ZNF611: variants seen among roughly 807,000 people sequenced by gnomAD.
ZNF611 encodes zinc finger protein 611.
ZNF611 carries 6 observed loss-of-function variants against 8.9 expected under a neutral mutation model. The observed-to-expected ratio is 0.68, with a 90% CI of 0.37 to 1.34. The LOEUF is 1.34. ZNF611 is among the 40% of genes most tolerant of loss of function. The pLI is 0.02. For synonymous variants in ZNF611, 262 were observed against 279.7 expected (o/e 0.94, Z 0.63); for missense variants, 874 against 841.3 (o/e 1.04, Z -0.48).
intron 3 of ZNF611, 170 bp from the exon 4 acceptor site, chr19:52,716,083 A>C (rs2062315387): frequency 8.4e-6 from 6 of 712,836 alleles, no homozygotes; most frequent in Non-Finnish European, 1.1e-5. Context: ...CTATGAGTGT[A>C]TATTTGACCC....
chr19:52,709,917 C>G (rs1207145543), intron 5 of ZNF611, among the ~76,000 whole-genome samples: 1 of 152,128 alleles, frequency 6.6e-6, no homozygotes, highest in Non-Finnish European at 1.5e-5. Flanking sequence ...TTGCCTGCTC[C>G]TCTTTACACC....
intron 4 of ZNF611, among the ~76,000 whole-genome samples, chr19:52,715,188 T>C (rs1263689998): frequency 6.6e-6 from 1 of 152,116 alleles, no homozygotes; most frequent in Admixed American, 6.6e-5. Context: ...ACTGGCACAG[T>C]GGCTCATGCC....
intron 3 of ZNF611, among the ~76,000 whole-genome samples, chr19:52,722,436 T>C (rs73576376): frequency 0.038 from 5,744 of 152,150 alleles, 347 homozygotes; most frequent in African/African-American, 0.13. Flanking sequence ...AACAGAAAGT[T>C]GTTTTTTTCT....
chr19:52,708,878 T>C (rs1258433701), intron 5 of ZNF611: 2 of 152,058 alleles, frequency 1.3e-5, no homozygotes, highest in Non-Finnish European at 2.9e-5. Context: ...ACTAATAGTA[T>C]AGAAAAGTGT....
intron 3 of ZNF611, among the ~76,000 whole-genome samples, chr19:52,718,271 T>C (rs1027881360): frequency 4.6e-5 from 7 of 150,944 alleles, no homozygotes; most frequent in Non-Finnish European, 8.9e-5. Flanking sequence ...CCCCAGGAGA[T>C]GAAGGTTGCA....
At chr19:52,722,254 C>T (rs1451491634) in intron 3 of ZNF611, among the ~76,000 whole-genome samples, 1 of 152,022 alleles carries the variant, frequency 6.6e-6, no homozygotes, top group African/African-American at 2.4e-5. Context: ...TGGTGTCTCA[C>T]ACCTGTGGTC....
At chr19:52,732,212 G>C (rs1181320903) in intron 1 of ZNF611, among the ~76,000 whole-genome samples, 4 of 152,054 alleles carry the variant, frequency 2.6e-5, no homozygotes, top group Non-Finnish European at 5.9e-5. Flanking sequence ...GGAGCTTGCA[G>C]TGAGCTGAGA....
intron 3 of ZNF611, among the ~76,000 whole-genome samples, chr19:52,727,456 C>T (rs58660733): frequency 0.037 from 5,605 of 152,242 alleles, 308 homozygotes; most frequent in African/African-American, 0.12. Context: ...AGCCCTTGGT[C>T]ACACATAGTT....
At chr19:52,716,205 T>C (rs1433480485) in intron 3 of ZNF611, 3 of 289,896 alleles carry the variant, frequency 1.0e-5, no homozygotes, top group African/African-American at 2.2e-5. Flanking sequence ...CTTCATCAAT[T>C]GCCATCCAGA....
Position 52,732,033 on chromosome 19 carries a change from G to A in ZNF611, c.-221-2028C>T, listed in dbSNP as rs190956453. ...CGCCTGTAATCCCAGCACTTTGGGA[G>A]GCTGAGGCGGGCGGATCACGAGGTC... is the stretch of plus-strand genomic sequence containing the variant. On this transcript the variant is annotated intron_variant, in intron 1 of 5. Coordinates refer to ENST00000652185, the MANE Select transcript of ZNF611 (RefSeq NM_001161499.2). 4.5e-3 allele frequency among the ~76,000 whole-genome samples: 687 copies of A among 152,028 alleles called. 6 individuals carry two copies. Among genetic ancestry groups the A allele is most frequent in the African/African-American group, 0.016 (650 of 41,514 alleles).
At position 52,728,738 on chromosome 19, in the gene ZNF611, G is replaced by C. The variant is rs1479239648; in HGVS notation, c.-28C>G. 1 of 153,428 alleles carries C rather than the reference G, an allele frequency of 6.5e-6. No individual in the cohort carries two copies. The highest frequency in any genetic ancestry group is 1.5e-5 in the Non-Finnish European group (1 of 68,532). The allele number at this position is 153,428 out of a possible 1,614,324, so 9.5% of individuals were successfully genotyped here. A position where few individuals can be genotyped will look rare whatever the true frequency, so the allele number is the denominator to read the frequency against. ...GGGTGTAGCTCACTCACCCAAGCTG[G>C]AGTGTGGTGGCAAAAACAGGGCTCA... is the stretch of plus-strand genomic sequence containing the variant. On this transcript the variant is annotated 5_prime_UTR_variant, in exon 3 of 6. Transcript: ENST00000652185.
chr19:52,734,130 A>G (rs1000035996), intron 1 of ZNF611, among the ~76,000 whole-genome samples: 8 of 16,696 alleles, frequency 4.8e-4, no homozygotes, highest in Admixed American at 3.1e-3. Context: ...CTCTCTGTAC[A>G]TCTATCTAGC....
At chr19:52,708,976 T>C (rs1245941842) in intron 5 of ZNF611, 1 of 152,248 alleles carries the variant, frequency 6.6e-6, no homozygotes, top group African/African-American at 2.4e-5. Flanking sequence ...TCTAGTTCAC[T>C]ATGCATAAAA....
chr19:52,704,048 G>A lies in ZNF611; in HGVS notation c.*889C>T, dbSNP rs951860530. Reference sequence around the variant, plus strand: ...GTGGCTCACATCTGTTGGCCATGCTGGTTTCAAACTCCTGACCTCAAGTGA... The same window carrying A: ...GTGGCTCACATCTGTTGGCCATGCTAGTTTCAAACTCCTGACCTCAAGTGA... On this transcript the variant is annotated 3_prime_UTR_variant, in exon 6 of 6. Coordinates refer to ENST00000652185, the MANE Select transcript of ZNF611 (RefSeq NM_001161499.2). 1.0e-5 allele frequency: 2 copies of A among 196,002 alleles called. No homozygotes were observed. The highest frequency in any genetic ancestry group is 4.8e-5 in the African/African-American group (2 of 41,994). 12.1% of individuals were successfully genotyped at this position (196,002 alleles called of 1,614,324 possible). A position where few individuals can be genotyped will look rare whatever the true frequency, so the allele number is the denominator to read the frequency against.
intron 3 of ZNF611, among the ~76,000 whole-genome samples, chr19:52,725,894 A>G (rs572342729): frequency 3.7e-4 from 56 of 151,870 alleles, no homozygotes; most frequent in Non-Finnish European, 5.3e-4. Flanking sequence ...CGGGGCCGGG[A>G]CCGGACCTGT....
intron 3 of ZNF611, among the ~76,000 whole-genome samples, chr19:52,726,474 G>A (rs1325201153): frequency 6.6e-6 from 1 of 152,106 alleles, no homozygotes; most frequent in Non-Finnish European, 1.5e-5. Flanking sequence ...AGGCTGGAGT[G>A]CAGTGGCATG....
chr19:52,718,262 C>A (rs1306367430), intron 3 of ZNF611, among the ~76,000 whole-genome samples: 1 of 152,080 alleles, frequency 6.6e-6, no homozygotes, highest in Non-Finnish European at 1.5e-5. Flanking sequence ...ATCCCTTAAC[C>A]CCAGGAGATG....
At chr19:52,717,752 A>T in intron 3 of ZNF611, 1 of 934,910 alleles carries the variant, frequency 1.1e-6, no homozygotes, top group South Asian at 4.9e-5. Context: ...AAGCTCACAG[A>T]TCACCATTTT....
Position 52,730,391 on chromosome 19 carries a change from CAAAAAAAA to C in ZNF611, c.-221-394_-221-387del, listed in dbSNP as rs1159350274. Among the ~76,000 whole-genome samples, 118 of 73,550 alleles carry C rather than the reference CAAAAAAAA, an allele frequency of 1.6e-3. 1 individual carries two copies. The highest frequency in any genetic ancestry group is 3.6e-3 in the African/African-American group (72 of 19,952). The allele number at this position is 73,550 out of a possible 152,430, so 48.3% of individuals were successfully genotyped here. A position where few individuals can be genotyped will look rare whatever the true frequency, so the allele number is the denominator to read the frequency against. On this transcript the variant is annotated intron_variant, in intron 1 of 5. Transcript: ENST00000652185. ...TGGGCGACAGAGCCAGACTCCGTCT[CAAAAAAAA>C]AAAAAAAAAAAAAAAAAAAAAAAAA...
Sources: allele counts gnomAD v4.1 joint callset (sites outside exome capture counted in the v4.1 genomes callset), GRCh38; gene constraint gnomAD v4.1.1; transcripts MANE v1.5; gene names NCBI Gene and HGNC (gene_info 2026-07-23, HGNC 2026-07-21).